The following POTEJ variants were observed in gnomAD, a reference collection of about 807,000 sequenced individuals.
POTEJ encodes POTE ankyrin domain family member J, also known as POTE ankyrin domain family, member J.
Under a neutral mutation model 69.0 loss-of-function variants are expected in POTEJ, and 11 were observed. That is an observed-to-expected ratio of 0.16 (90% CI 0.10 to 0.26). POTEJ has a LOEUF of 0.26. POTEJ is among the 10% of genes least tolerant of loss of function. POTEJ has a pLI of 1.00. For synonymous variants in POTEJ, 117 were observed against 381.1 expected (o/e 0.31, Z 8.07); for missense variants, 327 against 1,045.5 (o/e 0.31, Z 9.48).
At chr2:130,629,047 T>G (rs1314799860) in intron 6 of POTEJ, among the ~76,000 whole-genome samples, 1 of 152,108 alleles carries the variant, frequency 6.6e-6, no homozygotes, top group Non-Finnish European at 1.5e-5. Flanking sequence ...AAAATGAAAA[T>G]AAATATGTCC....
intron 10 of POTEJ, among the ~76,000 whole-genome samples, chr2:130,641,009 G>A (rs1375142751): frequency 6.6e-6 from 1 of 151,854 alleles, no homozygotes; most frequent in African/African-American, 2.4e-5. Context: ...TTCTTTAAAG[G>A]ACCAGGTGGG....
At position 130,614,383 on chromosome 2, in the gene POTEJ, T is replaced by C. The variant is rs1193832237; in HGVS notation, c.411-2407T>C. Reference sequence around the variant, plus strand: ...TCTTTACGAAATAGATGTGTTTTTCTTAGTATTGCTTAAAATAGCAGTGTA... The same window carrying C: ...TCTTTACGAAATAGATGTGTTTTTCCTAGTATTGCTTAAAATAGCAGTGTA... On this transcript the variant is annotated intron_variant, in intron 1 of 14. Coordinates refer to ENST00000409602, the MANE Select transcript of POTEJ (RefSeq NM_001277083.2). Among the ~76,000 whole-genome samples the C allele has an allele frequency of 5.5e-5, 8 of 144,978 alleles. No homozygotes were observed. In the East Asian group the frequency reaches 1.0e-3, roughly 19 times the overall value.
At chr2:130,613,256 A>ATATG (rs1461931563) in intron 1 of POTEJ, among the ~76,000 whole-genome samples, 6 of 93,598 alleles carry the variant, frequency 6.4e-5, no homozygotes, top group Non-Finnish European at 4.8e-5. Context: ...ATATATATAC[A>ATATG]CATATATACA....
At position 130,629,483 on chromosome 2, in the gene POTEJ, T is replaced by A. The variant is rs1017773329; in HGVS notation, c.1016-466T>A. On this transcript the variant is annotated intron_variant, in intron 6 of 14. Transcript: ENST00000409602. ...TTGTTTTCTTAACCTTGCTGTGGGA[T>A]GTCTGGAGCCCATACCTGTGGGCTC... Among the ~76,000 whole-genome samples the A allele has an allele frequency of 9.9e-5, 14 of 140,722 alleles. 2 individuals are homozygous for A. The highest frequency in any genetic ancestry group is 3.3e-4 in the African/African-American group (11 of 33,508). 92.3% of individuals were successfully genotyped at this position (140,722 alleles called of 152,430 possible).
At chr2:130,652,083 G>A (rs1012614878) in intron 13 of POTEJ, among the ~76,000 whole-genome samples, 1 of 138,068 alleles carries the variant, frequency 7.2e-6, no homozygotes, top group African/African-American at 3.1e-5. Context: ...CATGGGGTCG[G>A]TTTCCTCCAT....
Position 130,628,911 on chromosome 2 carries a change from C to T in POTEJ, c.1016-1038C>T, listed in dbSNP as rs559915870. 3.1e-4 allele frequency among the ~76,000 whole-genome samples: 45 copies of T among 143,996 alleles called. 1 individual carries two copies. Among genetic ancestry groups the T allele is most frequent in the Admixed American group, 5.4e-4 (8 of 14,732 alleles). The allele number at this position is 143,996 out of a possible 152,430, so 94.5% of individuals were successfully genotyped here. On this transcript the variant is annotated intron_variant, in intron 6 of 14. Transcript: ENST00000409602. ...TGCATGCCTGTAATCCCAGCTTCTC[C>T]GGAGACTGAGACAGGAGAATCGCTT...
At chr2:130,619,632 G>T (rs1380178889) in intron 3 of POTEJ, among the ~76,000 whole-genome samples, 2 of 138,168 alleles carry the variant, frequency 1.4e-5, no homozygotes, top group Admixed American at 7.5e-5. Flanking sequence ...TGAAACTAAA[G>T]AAATATTTTA....
At position 130,613,347 on chromosome 2, in the gene POTEJ, T is replaced by G. The variant is rs1474876019; in HGVS notation, c.410+1405T>G. 1.6e-5 allele frequency among the ~76,000 whole-genome samples: 2 copies of G among 126,354 alleles called. 1 individual carries two copies. The highest frequency in any genetic ancestry group is 5.9e-4 in the East Asian group (2 of 3,408). The allele number at this position is 126,354 out of a possible 152,430, so 82.9% of individuals were successfully genotyped here. A position where few individuals can be genotyped will look rare whatever the true frequency, so the allele number is the denominator to read the frequency against. ...ACATATGTATATATACATATATATGTGTGTGTATATATATACATATATATG... is the reference window on the plus strand; with the variant it reads ...ACATATGTATATATACATATATATGGGTGTGTATATATATACATATATATG... On this transcript the variant is annotated intron_variant, in intron 1 of 14. Transcript: ENST00000409602.
intron 6 of POTEJ, among the ~76,000 whole-genome samples, chr2:130,629,146 T>C (rs1335628173): frequency 1.3e-5 from 2 of 151,468 alleles, no homozygotes; most frequent in African/African-American, 2.4e-5. Context: ...ATTTGTAAGG[T>C]ACTATTGTTG....
At chr2:130,613,314 A>ATATATATACATATGTATATATACG (rs1558915568) in intron 1 of POTEJ, among the ~76,000 whole-genome samples, 57 of 107,810 alleles carry the variant, frequency 5.3e-4, no homozygotes, top group Non-Finnish European at 8.5e-4. Flanking sequence ...GTATATATAC[A>ATATATATACATATGTATATATACG]TATATATACA....
rs1172319828 is a variant in POTEJ at position 130,646,641 on chromosome 2, C to A, written c.1667+331C>A. Among the ~76,000 whole-genome samples, 18 of 145,144 alleles carry A rather than the reference C, an allele frequency of 1.2e-4. No individual in the cohort carries two copies. The South Asian group carries it at 2.6e-3, about 21-fold the overall frequency. The stretch of plus-strand genomic sequence containing the variant: ...AGGCTTGGGGTACAGATTATTTCAC[C>A]AGCCACATAATAAACAAAATACTCG... On this transcript the variant is annotated intron_variant, in intron 13 of 14. Coordinates refer to ENST00000409602, the MANE Select transcript of POTEJ (RefSeq NM_001277083.2).
chr2:130,623,937 A>G (rs933292080), intron 5 of POTEJ, 127 bp from the exon 6 acceptor site: 5 of 576,348 alleles, frequency 8.7e-6, no homozygotes, highest in African/African-American at 5.1e-5. Flanking sequence ...TCATAAGTGG[A>G]TGGGATAATA....
chr2:130,656,826 C>G lies in POTEJ; in HGVS notation c.2066C>G (p.Ala689Gly). 5.0e-6 allele frequency: 8 copies of G among 1,604,592 alleles called. No homozygotes were observed. The highest frequency in any genetic ancestry group is 6.8e-6 in the Non-Finnish European group (8 of 1,176,706). The change falls in exon 15 of 15, where the codon GCC (alanine) becomes GGC (glycine). Residue 689 changes from alanine (A) to glycine (G), a missense_variant. Physicochemically the swap from Ala to Gly is moderately conservative, Grantham distance 60. Transcript: ENST00000409602. ...AAGGCCGGCTTTGCGGGCGACGATG[C>G]CCCCCGGGCTGTCTTCCCTTCCATC... ...MCKAGFAGDD[A>G]PRAVFPSIVG...
chr2:130,641,982 A>T (rs1228394716), intron 10 of POTEJ, among the ~76,000 whole-genome samples: 1 of 152,026 alleles, frequency 6.6e-6, no homozygotes, highest in African/African-American at 2.4e-5. Flanking sequence ...GATACTCTCC[A>T]TGACCTGTGT....
At chr2:130,636,480 GAAA>G (rs66975392) in intron 9 of POTEJ, among the ~76,000 whole-genome samples, 1 of 137,160 alleles carries the variant, frequency 7.3e-6, no homozygotes, top group African/African-American at 2.7e-5. Context: ...TTTTGTATTA[GAAA>G]AAAAAAAACC....
intron 11 of POTEJ, among the ~76,000 whole-genome samples, chr2:130,644,477 A>T (rs1296598310): frequency 1.3e-5 from 2 of 151,942 alleles, no homozygotes; most frequent in African/African-American, 4.9e-5. Flanking sequence ...TGAAAAAAAT[A>T]TATATATATA....
chr2:130,611,179 GTTCCTCCTTGGATTGACGT>G (rs1351886448), upstream of POTEJ, among the ~76,000 whole-genome samples: 64 of 141,230 alleles, frequency 4.5e-4, no homozygotes, highest in East Asian at 0.011. Context: ...TTGGCCTGGT[GTTCCTCCTTGGATTGACGT>G]TTCCTCCTTG....
At chr2:130,655,546 G>A (rs1405551259) in intron 14 of POTEJ, among the ~76,000 whole-genome samples, 2 of 152,238 alleles carry the variant, frequency 1.3e-5, no homozygotes, top group Admixed American at 6.5e-5. Flanking sequence ...ACAATGACAT[G>A]CCATGATACA....
chr2:130,626,620 G>C (rs1267586271), intron 6 of POTEJ, among the ~76,000 whole-genome samples: 1 of 152,172 alleles, frequency 6.6e-6, no homozygotes, highest in Non-Finnish European at 1.5e-5. Flanking sequence ...ATTGGATTTG[G>C]CCTGTGGCCT....
Sources: gnomAD v4.1 joint callset for allele counts (sites outside exome capture counted in the v4.1 genomes callset) on GRCh38, gnomAD v4.1.1 for gene constraint, MANE v1.5 for transcripts, NCBI Gene and HGNC (gene_info 2026-07-23, HGNC 2026-07-21) for gene names.